ABI2: variants seen among roughly 807,000 people sequenced by gnomAD.
The protein encoded by ABI2 is abl interactor 2.
ABI2 carries 25 observed loss-of-function variants against 59.2 expected under a neutral mutation model. The observed-to-expected ratio is 0.42, with a 90% CI of 0.31 to 0.59. The LOEUF is 0.59. Ranked by LOEUF, ABI2 falls within the 20% of genes least tolerant of loss-of-function variation. ABI2 has a pLI of 0.14. For synonymous variants in ABI2, 213 were observed against 235.5 expected (o/e 0.90, Z 0.87); for missense variants, 545 against 681.8 (o/e 0.80, Z 2.23).
intron 8 of ABI2, among the ~76,000 whole-genome samples, chr2:203,397,547 T>C (rs2097053999): frequency 6.6e-6 from 1 of 152,328 alleles, no homozygotes; most frequent in Non-Finnish European, 1.5e-5. Context: ...CTACGAAATA[T>C]ATTTGTAGAG....
intron 8 of ABI2, among the ~76,000 whole-genome samples, chr2:203,400,202 C>G (rs574481986): frequency 6.8e-6 from 1 of 147,934 alleles, no homozygotes; most frequent in African/African-American, 2.5e-5. Flanking sequence ...ATTCTCCTGC[C>G]GTAGCCTCCT....
intron 1 of ABI2, among the ~76,000 whole-genome samples, chr2:203,349,093 C>T (rs567275940): frequency 3.4e-4 from 51 of 151,562 alleles, no homozygotes; most frequent in Non-Finnish European, 5.7e-4. Context: ...CCACTGCACC[C>T]GAGTAATTTT....
intron 4 of ABI2, among the ~76,000 whole-genome samples, chr2:203,385,662 C>G (rs1009355503): frequency 2.0e-5 from 3 of 152,176 alleles, no homozygotes; most frequent in African/African-American, 7.2e-5. Flanking sequence ...TGAAGGTACA[C>G]TCTTAAAAAT....
At chr2:203,405,717 G>C (rs925734044) in intron 9 of ABI2, among the ~76,000 whole-genome samples, 1 of 151,766 alleles carries the variant, frequency 6.6e-6, no homozygotes, top group African/African-American at 2.4e-5. Context: ...TTTTTTTTTG[G>C]GGGGGTAATT....
chr2:203,356,876 A>G (rs1336356614), intron 1 of ABI2, among the ~76,000 whole-genome samples: 1 of 151,474 alleles, frequency 6.6e-6, no homozygotes, highest in East Asian at 1.9e-4. Context: ...AATAAGATGT[A>G]TTGTAAGGAT....
chr2:203,391,015 T>C, intron 4 of ABI2, 31 bp from the exon 5 acceptor site: 2 of 1,578,918 alleles, frequency 1.3e-6, no homozygotes, highest in Non-Finnish European at 1.7e-6. Context: ...TTTCACTGCA[T>C]ACAAGTTGAG....
chr2:203,407,780 CTCT>C (rs1374851581), intron 9 of ABI2, among the ~76,000 whole-genome samples: 1 of 152,148 alleles, frequency 6.6e-6, no homozygotes, highest in Admixed American at 6.5e-5. Context: ...TTGCTTCCTG[CTCT>C]TCTTTGCCTG....
intron 1 of ABI2, among the ~76,000 whole-genome samples, chr2:203,351,869 G>A (rs113742464): frequency 2.0e-4 from 31 of 152,190 alleles, no homozygotes; most frequent in Non-Finnish European, 3.8e-4. Flanking sequence ...ACAGTCATGC[G>A]CAGCATAATG....
At chr2:203,335,347 TC>T (rs1421585293) in intron 1 of ABI2, among the ~76,000 whole-genome samples, 1 of 152,192 alleles carries the variant, frequency 6.6e-6, no homozygotes, top group Non-Finnish European at 1.5e-5. Context: ...CAGCTTGCAC[TC>T]CCAAGCTCAA....
chr2:203,390,047 C>A (rs529652618), intron 4 of ABI2, among the ~76,000 whole-genome samples: 1 of 152,304 alleles, frequency 6.6e-6, no homozygotes, highest in African/African-American at 2.4e-5. Flanking sequence ...AGGACATTGC[C>A]TGTGGCCCTT....
At chr2:203,340,567 AGGCTG>A (rs2079261669) in intron 1 of ABI2, among the ~76,000 whole-genome samples, 1 of 152,058 alleles carries the variant, frequency 6.6e-6, no homozygotes, top group Non-Finnish European at 1.5e-5. Context: ...CCTGTTGCCC[AGGCTG>A]GTCTCGAACT....
intron 2 of ABI2, among the ~76,000 whole-genome samples, chr2:203,376,948 A>C (rs1350772571): frequency 6.6e-6 from 1 of 152,184 alleles, no homozygotes; most frequent in East Asian, 1.9e-4. Flanking sequence ...GCTTGTTATA[A>C]AATATTACTG....
At chr2:203,344,886 C>T (rs1408630501) in intron 1 of ABI2, among the ~76,000 whole-genome samples, 1 of 152,118 alleles carries the variant, frequency 6.6e-6, no homozygotes, top group Non-Finnish European at 1.5e-5. Context: ...GTAAATGCAC[C>T]AATAAGCACT....
intron 2 of ABI2, chr2:203,374,734 C>T (rs2095566111): frequency 2.4e-6 from 1 of 417,660 alleles, no homozygotes; most frequent in Admixed American, 2.4e-5. Flanking sequence ...TTATTTGAAA[C>T]ATTAGCTTAC....
intron 1 of ABI2, among the ~76,000 whole-genome samples, chr2:203,331,445 G>A (rs1416478972): frequency 7.7e-6 from 1 of 130,304 alleles, no homozygotes; most frequent in Non-Finnish European, 1.6e-5. Flanking sequence ...TGCAACCTCC[G>A]CCTCCTGGGT....
At chr2:203,404,935 T>G (rs1344923575) in intron 9 of ABI2, among the ~76,000 whole-genome samples, 2 of 152,246 alleles carry the variant, frequency 1.3e-5, no homozygotes, top group African/African-American at 2.4e-5. Context: ...AGAATTTATT[T>G]GAAGGCTGTT....
At chr2:203,351,553 A>G (rs757323342) in intron 1 of ABI2, 16 of 303,146 alleles carry the variant, frequency 5.3e-5, no homozygotes, top group Non-Finnish European at 6.3e-5. Flanking sequence ...TTTTTCCTTT[A>G]GAGATGGGGT....
intron 1 of ABI2, chr2:203,351,532 G>GTTTTTTTTTTTTT: frequency 2.6e-6 from 1 of 387,522 alleles, no homozygotes; most frequent in Non-Finnish European, 4.9e-6. Context: ...TCAGTGTTTA[G>GTTTTTTTTTTTTT]TTTTTTTTTT....
At chr2:203,367,183 T>C in intron 2 of ABI2, 139 bp downstream of exon 2, 2 of 1,191,802 alleles carry the variant, frequency 1.7e-6, no homozygotes, top group Non-Finnish European at 2.2e-6. Context: ...TATTAGGTTG[T>C]TTTTAGATTC....
Sources: gnomAD v4.1 joint callset for allele counts (sites outside exome capture counted in the v4.1 genomes callset) on GRCh38, gnomAD v4.1.1 for gene constraint, MANE v1.5 for transcripts, NCBI Gene and HGNC (gene_info 2026-07-23, HGNC 2026-07-21) for gene names.